Variants in ZSCAN4 observed in about 807,000 individuals in gnomAD.
ZSCAN4 encodes zinc finger and SCAN domain containing 4, also known as zinc finger and SCAN domain-containing protein 4.
Under a neutral mutation model 18.3 loss-of-function variants are expected in ZSCAN4, and 18 were observed. The observed-to-expected ratio is 0.98, with a 90% CI of 0.68 to 1.46. The LOEUF (loss-of-function observed/expected upper bound fraction) is 1.46, where lower values mean the gene tolerates loss of function less well. Among genes scored for constraint, ZSCAN4 ranks in the 40% most tolerant of loss-of-function variants. The pLI, the probability that ZSCAN4 is intolerant of heterozygous loss-of-function variation, is 0.00. For synonymous variants in ZSCAN4, 193 were observed against 180.3 expected (o/e 1.07, Z -0.57); for missense variants, 498 against 511.4 (o/e 0.97, Z 0.25).
chr19:57,660,948 G>A, the ZSCAN4 span, among the ~76,000 whole-genome samples: 5 of 152,248 alleles, frequency 3.3e-5, no homozygotes, highest in African/African-American at 7.2e-5. Context: ...TAGTTACTAC[G>A]ATTTTTGAAG....
intron 2 of ZSCAN4, among the ~76,000 whole-genome samples, chr19:57,671,496 G>GAAAA (rs35157527): frequency 7.4e-6 from 1 of 134,602 alleles, no homozygotes; most frequent in African/African-American, 2.8e-5. Context: ...GGTTCCACAG[G>GAAAA]AAAAAAAAAA....
exon 5 of ZSCAN4, chr19:57,678,676 A>C: frequency 6.2e-7 from 1 of 1,614,174 alleles, no homozygotes; most frequent in East Asian, 2.2e-5. Context: ...CTACGGGTGC[A>C]TCAGATAATT....
chr19:57,652,106 C>T, the ZSCAN4 span, among the ~76,000 whole-genome samples: 2 of 152,192 alleles, frequency 1.3e-5, no homozygotes, highest in East Asian at 3.9e-4. Flanking sequence ...TACTCACCAC[C>T]CCACACACCT....
chr19:57,673,606 T>C (rs553382727), intron 2 of ZSCAN4, among the ~76,000 whole-genome samples: 1 of 152,288 alleles, frequency 6.6e-6, no homozygotes, highest in South Asian at 2.1e-4. Context: ...CACTCTAGCC[T>C]GTCTGACAGA....
intron 2 of ZSCAN4, among the ~76,000 whole-genome samples, chr19:57,675,386 G>T (rs569637051): frequency 2.6e-5 from 4 of 152,134 alleles, no homozygotes; most frequent in Admixed American, 2.0e-4. Context: ...GACCTCAGGT[G>T]ATCCACCTGC....
exon 3 of ZSCAN4, chr19:57,676,358 A>G (rs202006358): frequency 7.4e-6 from 12 of 1,614,204 alleles, no homozygotes; most frequent in Middle Eastern, 1.6e-4. Context: ...TCTTTCACTC[A>G]TGGCTGCAAC....
chr19:57,674,956 G>GTTTTTT (rs11303340), intron 2 of ZSCAN4, among the ~76,000 whole-genome samples: 2 of 128,564 alleles, frequency 1.6e-5, no homozygotes, highest in African/African-American at 3.0e-5. Context: ...TTCACATCAA[G>GTTTTTT]TTTTTTTTTT....
the ZSCAN4 span, among the ~76,000 whole-genome samples, chr19:57,656,942 A>G: frequency 6.6e-6 from 1 of 152,098 alleles, no homozygotes; most frequent in East Asian, 1.9e-4. Flanking sequence ...AGCTATGATC[A>G]AATCACTGCA....
chr19:57,670,676 A>T (rs1983991620), intron 2 of ZSCAN4, 109 bp downstream of exon 2: 1 of 152,182 alleles, frequency 6.6e-6, no homozygotes, highest in African/African-American at 2.4e-5. Flanking sequence ...ATACATGTGT[A>T]TGTAGGCATA....
In ZSCAN4 at chr19:57,678,867, AC is replaced by A. The variant is rs1221440665; in HGVS notation, c.1267del (p.Leu423CysfsTer16). The A allele has an allele frequency of 6.2e-6, 10 of 1,610,284 alleles. No homozygotes were observed. The highest frequency in any genetic ancestry group is 8.5e-6 in the Non-Finnish European group (10 of 1,178,388). ...CCATATGAGGACTCATGAGAAAATT[AC>A]CCTGCCAAGTGTTCCCTCCACACCA... On this transcript the variant is annotated frameshift_variant, in exon 5 of 5. Coordinates refer to ENST00000318203, the Ensembl canonical transcript of ZSCAN4. LOFTEE classifies it low-confidence loss of function (END_TRUNC).
the ZSCAN4 span, among the ~76,000 whole-genome samples, chr19:57,659,335 G>T: frequency 6.6e-6 from 1 of 151,958 alleles, no homozygotes; most frequent in African/African-American, 2.4e-5. Context: ...TTTTAATTTT[G>T]TGTGTTGATA....
chr19:57,678,779 A>G (rs1280567529), exon 5 of ZSCAN4: 2 of 1,614,178 alleles, frequency 1.2e-6, no homozygotes, highest in Non-Finnish European at 1.7e-6. Context: ...TCCACACAGG[A>G]GAAAAGCCTT....
upstream of ZSCAN4, chr19:57,664,503 G>C (rs1983803561): frequency 7.5e-6 from 1 of 132,654 alleles, no homozygotes; most frequent in Non-Finnish European, 1.7e-5. Context: ...GGAGGACAGC[G>C]AGACCCGGGG....
the ZSCAN4 span, among the ~76,000 whole-genome samples, chr19:57,661,807 C>T: frequency 6.6e-6 from 1 of 152,114 alleles, no homozygotes; most frequent in Non-Finnish European, 1.5e-5. Context: ...CCATGCTGGG[C>T]GCGGTGGCTC....
At chr19:57,667,466 T>G (rs556235284), upstream of ZSCAN4, among the ~76,000 whole-genome samples, 1 of 152,202 alleles carries the variant, frequency 6.6e-6, no homozygotes, top group Non-Finnish European at 1.5e-5. Flanking sequence ...GTTATTTTGA[T>G]GTTAAAATGG....
the ZSCAN4 span, among the ~76,000 whole-genome samples, chr19:57,661,149 A>G: frequency 6.6e-6 from 1 of 152,112 alleles, no homozygotes; most frequent in African/African-American, 2.4e-5. Context: ...CAGTAATTTC[A>G]TAACTTCTCT....
chr19:57,670,201 C>G (rs1983975346), intron 1 of ZSCAN4, 44 bp from the exon 2 acceptor site: 1 of 152,410 alleles, frequency 6.6e-6, no homozygotes. Context: ...CTGCACCTAG[C>G]CTGCAGAAAT....
At chr19:57,663,533 A>AATAAAATAAAAAAT in the ZSCAN4 span, among the ~76,000 whole-genome samples, 11 of 146,942 alleles carry the variant, frequency 7.5e-5, no homozygotes, top group African/African-American at 2.8e-4. Flanking sequence ...AAAAAAAAAA[A>AATAAAATAAAAAAT]AAAAAAAAAA....
chr19:57,668,057 A>G (rs1983907236), upstream of ZSCAN4, among the ~76,000 whole-genome samples: 1 of 152,022 alleles, frequency 6.6e-6, no homozygotes, highest in South Asian at 2.1e-4. Context: ...GCCTGCCACC[A>G]TGCCTGGCTA....
Sources: gnomAD v4.1 joint callset for allele counts (sites outside exome capture counted in the v4.1 genomes callset) on GRCh38, gnomAD v4.1.1 for gene constraint, MANE v1.5 for transcripts, NCBI Gene and HGNC (gene_info 2026-07-23, HGNC 2026-07-21) for gene names.